The following FAT3 variants were observed in gnomAD, a reference collection of about 807,000 sequenced individuals.
FAT3 encodes protocadherin Fat 3.
A neutral mutation model predicts 310.2 loss-of-function variants in FAT3; 95 were observed. The ratio of observed to expected loss-of-function variants is 0.31; its 90% CI spans 0.26 to 0.36. The LOEUF (loss-of-function observed/expected upper bound fraction) is 0.36. Ranked by LOEUF, FAT3 falls within the 10% of genes least tolerant of loss-of-function variation. The pLI is 1.00. For synonymous variants in FAT3, 2,314 were observed against 2,192.9 expected, an observed-to-expected ratio of 1.06 and a Z score of -1.54; for missense variants, 5,408 against 5,715.6, an observed-to-expected ratio of 0.95 and a Z score of 1.74.
intron 13 of FAT3, among the ~76,000 whole-genome samples, chr11:92,826,401 G>A (rs759320728): frequency 3.3e-5 from 5 of 152,216 alleles, no homozygotes; most frequent in Non-Finnish European, 5.9e-5. Flanking sequence ...AAAGCCAGGA[G>A]AAAGTGTTGG....
chr11:92,424,538 G>A (rs1166285513), intron 2 of FAT3, among the ~76,000 whole-genome samples: 1 of 152,074 alleles, frequency 6.6e-6, no homozygotes, highest in Non-Finnish European at 1.5e-5. Context: ...TGATTCTTGG[G>A]AAGCTGCAAG....
chr11:92,231,547 T>C (rs79427237), intron 1 of FAT3, among the ~76,000 whole-genome samples: 4,069 of 152,276 alleles, frequency 0.027, 189 homozygotes, highest in African/African-American at 0.093. Flanking sequence ...GGAAGTTTAA[T>C]TGTAACTTCA....
intron 7 of FAT3, among the ~76,000 whole-genome samples, chr11:92,781,075 CTT>C (rs10649331): frequency 4.1e-5 from 5 of 121,968 alleles, no homozygotes; most frequent in Admixed American, 8.9e-5. Flanking sequence ...TTTCTTTATT[CTT>C]TTTTTTTTTT....
intron 2 of FAT3, among the ~76,000 whole-genome samples, chr11:92,487,326 G>A (rs965203330): frequency 4.6e-5 from 7 of 152,146 alleles, no homozygotes; most frequent in African/African-American, 1.7e-4. Context: ...CAGGCTGGAT[G>A]TTGCTATTAC....
At chr11:92,649,874 CATATATATATATATATATATAT>C (rs10528724) in intron 3 of FAT3, among the ~76,000 whole-genome samples, 33 of 49,688 alleles carry the variant, frequency 6.6e-4, no homozygotes, top group African/African-American at 2.4e-4. Context: ...TTTGTATGTT[CATATATATATATATATATATAT>C]ATATATATAT....
At chr11:92,325,002 G>T (rs1454975743) in intron 1 of FAT3, among the ~76,000 whole-genome samples, 2 of 152,202 alleles carry the variant, frequency 1.3e-5, no homozygotes, top group South Asian at 2.1e-4. Context: ...CCTTTAATCT[G>T]ATCACATTTA....
rs182498417 is a variant in FAT3, at chr11:92,275,127, G to T, written c.-18+49953G>T. Among the ~76,000 whole-genome samples the T allele has an allele frequency of 1.1e-3, 164 of 152,156 alleles. 1 individual carries two copies. The highest frequency in any genetic ancestry group is 1.9e-3 in the Non-Finnish European group (132 of 67,980). Reference sequence around the variant, plus strand: ...AACCTTGATTCTCTAGTCTTCCCAGGTACCACACTGAAAGTAGGAGCCTCT... The same window carrying T: ...AACCTTGATTCTCTAGTCTTCCCAGTTACCACACTGAAAGTAGGAGCCTCT... On this transcript the variant is annotated intron_variant, in intron 1 of 27. Coordinates refer to ENST00000525166, the MANE Select transcript of FAT3 (RefSeq NM_001367949.2).
chr11:92,489,647 T>C (rs1178585141), intron 2 of FAT3, among the ~76,000 whole-genome samples: 1 of 152,146 alleles, frequency 6.6e-6, no homozygotes, highest in Admixed American at 6.5e-5. Context: ...TACTTTAATA[T>C]CTTTCCAAAT....
In FAT3 at chr11:92,832,109, T is replaced by A. The variant is rs995559944; in HGVS notation, c.9871+98T>A. 3 of 1,338,056 alleles carry A rather than the reference T, an allele frequency of 2.2e-6. No individual in the cohort carries two copies. In the Admixed American group the frequency reaches 7.5e-5, roughly 33 times the overall value. The allele number at this position is 1,338,056 out of a possible 1,614,324, so 82.9% of individuals were successfully genotyped here. Reference sequence around the variant, plus strand: ...ACTTTGGGAGGCTGAGGCAAGAAGATCGAGTGAGTCCAGGAGTTCAGGACT... The same window carrying A: ...ACTTTGGGAGGCTGAGGCAAGAAGAACGAGTGAGTCCAGGAGTTCAGGACT... On this transcript the variant is annotated intron_variant, in intron 14 of 27. Transcript: ENST00000525166.
chr11:92,495,629 G>A (rs530341732), intron 2 of FAT3, among the ~76,000 whole-genome samples: 1 of 152,086 alleles, frequency 6.6e-6, no homozygotes, highest in East Asian at 1.9e-4. Context: ...TTCAATCATT[G>A]ACACATGGAC....
chr11:92,625,787 A>T (rs1435184731), intron 3 of FAT3, among the ~76,000 whole-genome samples: 3 of 151,770 alleles, frequency 2.0e-5, no homozygotes, highest in African/African-American at 7.3e-5. Flanking sequence ...AAGTGCTAAG[A>T]CACACTTAGC....
chr11:92,769,012 C>T (rs1204741096), intron 6 of FAT3, among the ~76,000 whole-genome samples: 1 of 152,128 alleles, frequency 6.6e-6, no homozygotes, highest in Non-Finnish European at 1.5e-5. Context: ...GTAAAGTCGC[C>T]CCATTTCTGC....
chr11:92,474,154 C>G (rs1951986058), intron 2 of FAT3, among the ~76,000 whole-genome samples: 1 of 152,196 alleles, frequency 6.6e-6, no homozygotes, highest in Admixed American at 6.5e-5. Flanking sequence ...CTGAGGCTCA[C>G]TCCTCTGGTG....
chr11:92,315,512 T>TATATATATAGAGAGAGAG (rs1353970811), intron 1 of FAT3, among the ~76,000 whole-genome samples: 1 of 56,172 alleles, frequency 1.8e-5, no homozygotes, highest in Non-Finnish European at 3.3e-5. Flanking sequence ...TATATATATA[T>TATATATATAGAGAGAGAG]AGAGAGAGAG....
At chr11:92,887,350 C>G (rs1484112308) in intron 25 of FAT3, among the ~76,000 whole-genome samples, 1 of 152,190 alleles carries the variant, frequency 6.6e-6, no homozygotes, top group African/African-American at 2.4e-5. Context: ...ATGTAGTTAC[C>G]CTGGGCCTCC....
At chr11:92,865,197 A>G (rs143458576) in intron 21 of FAT3, among the ~76,000 whole-genome samples, 78 of 152,372 alleles carry the variant, frequency 5.1e-4, no homozygotes, top group African/African-American at 1.8e-3. Flanking sequence ...GATGAAGAAC[A>G]TGGAGCTACA....
Position 92,732,838 on chromosome 11 carries a change from C to G in FAT3, c.3670-29018C>G, listed in dbSNP as rs371293085. Among the ~76,000 whole-genome samples, 3 of 152,326 alleles carry G rather than the reference C, an allele frequency of 2.0e-5. No homozygotes were observed. In the East Asian group the frequency reaches 5.8e-4, roughly 29 times the overall value. ...GGATACAAAAACAAATGACCCTCCA[C>G]CTGTCTTCCAAGGGACAGTTTGATA... On this transcript the variant is annotated intron_variant, in intron 4 of 27. Coordinates refer to ENST00000525166, the MANE Select transcript of FAT3 (RefSeq NM_001367949.2).
intron 4 of FAT3, among the ~76,000 whole-genome samples, chr11:92,742,556 G>A (rs1945537148): frequency 6.6e-6 from 1 of 152,238 alleles, no homozygotes; most frequent in Non-Finnish European, 1.5e-5. Flanking sequence ...CCTACAAGAG[G>A]TGATTAGGTT....
At chr11:92,318,122 A>G (rs1947514553) in intron 1 of FAT3, among the ~76,000 whole-genome samples, 1 of 152,138 alleles carries the variant, frequency 6.6e-6, no homozygotes, top group Non-Finnish European at 1.5e-5. Flanking sequence ...AGGAGACACC[A>G]TATCATAGTG....
Sources: allele counts gnomAD v4.1 joint callset (sites outside exome capture counted in the v4.1 genomes callset), GRCh38; gene constraint gnomAD v4.1.1; transcripts MANE v1.5; gene names NCBI Gene and HGNC (gene_info 2026-07-23, HGNC 2026-07-21).